TBC1D22B: variants seen among roughly 807,000 people sequenced by gnomAD.
TBC1D22B encodes chromosome 6 open reading frame 197.
In TBC1D22B, 32 loss-of-function variants were observed where a neutral mutation model predicts 69.1. That is an observed-to-expected ratio of 0.46 (90% confidence interval 0.35 to 0.62). TBC1D22B has a LOEUF of 0.62. Ranked by LOEUF, TBC1D22B falls within the 20% of genes least tolerant of loss-of-function variation. The pLI is 0.00. For missense variants in TBC1D22B, 462 were observed against 630.9 expected, an observed-to-expected ratio of 0.73 and a Z score of 2.87; for synonymous variants, 206 against 229.8, an observed-to-expected ratio of 0.90 and a Z score of 0.94.
chr6:37,269,034 A>G (rs1293868063), intron 1 of TBC1D22B, among the ~76,000 whole-genome samples: 3 of 152,188 alleles, frequency 2.0e-5, no homozygotes, highest in Admixed American at 6.5e-5. Context: ...ACATATATGT[A>G]TATATTTATC....
At chr6:37,280,477 C>T (rs973517294) in intron 3 of TBC1D22B, among the ~76,000 whole-genome samples, 4 of 152,194 alleles carry the variant, frequency 2.6e-5, no homozygotes, top group African/African-American at 9.7e-5. Flanking sequence ...AGTTATTTTC[C>T]ATCACTGATT....
chr6:37,318,889 GA>G (rs1562066797), intron 12 of TBC1D22B, among the ~76,000 whole-genome samples: 1 of 152,176 alleles, frequency 6.6e-6, no homozygotes, highest in Non-Finnish European at 1.5e-5. Flanking sequence ...TTTCTGAACT[GA>G]GAGGTTTTTT....
intron 12 of TBC1D22B, among the ~76,000 whole-genome samples, chr6:37,320,125 A>G (rs1038399550): frequency 1.8e-4 from 28 of 152,252 alleles, no homozygotes; most frequent in African/African-American, 6.5e-4. Context: ...CAAACTGGTT[A>G]CACTTGAAGA....
intron 8 of TBC1D22B, among the ~76,000 whole-genome samples, chr6:37,298,547 T>G (rs1767461657): frequency 1.4e-5 from 2 of 139,982 alleles, no homozygotes; most frequent in East Asian, 2.0e-4. Context: ...CAGTTTTTTT[T>G]TTTTTTTTTT....
intron 1 of TBC1D22B, among the ~76,000 whole-genome samples, chr6:37,262,228 C>T (rs886877950): frequency 6.6e-6 from 1 of 151,920 alleles, no homozygotes; most frequent in Non-Finnish European, 1.5e-5. Context: ...AAGGGGGTTT[C>T]GCCATGTTGG....
At position 37,283,254 on chromosome 6, in the gene TBC1D22B, C is replaced by T. The variant is rs187794992; in HGVS notation, c.672+302C>T. Among the ~76,000 whole-genome samples, 63 of 152,332 alleles carry T rather than the reference C, an allele frequency of 4.1e-4. No individual in the cohort carries two copies. In the Middle Eastern group the frequency reaches 0.014, roughly 33 times the overall value. ...AGCACTTGCTTTGAGTAAGCTCCAACGTTCCCTGTGCTTCACTCCTGTTTC... is the reference window on the plus strand; with the variant it reads ...AGCACTTGCTTTGAGTAAGCTCCAATGTTCCCTGTGCTTCACTCCTGTTTC... On this transcript the variant is annotated intron_variant, in intron 5 of 12. Transcript: ENST00000373491.
intron 12 of TBC1D22B, among the ~76,000 whole-genome samples, chr6:37,326,028 T>G (rs1768392136): frequency 6.6e-6 from 1 of 152,122 alleles, no homozygotes; most frequent in African/African-American, 2.4e-5. Context: ...TTGGAAGCTT[T>G]TGAGAGGTTT....
chr6:37,308,570 A>G (rs1049224659), intron 8 of TBC1D22B, among the ~76,000 whole-genome samples: 4 of 152,170 alleles, frequency 2.6e-5, no homozygotes, highest in African/African-American at 9.6e-5. Flanking sequence ...CAGTGCCCCA[A>G]AATAGGGTTC....
intron 3 of TBC1D22B, among the ~76,000 whole-genome samples, chr6:37,280,178 C>T (rs1003296760): frequency 2.0e-5 from 3 of 152,146 alleles, no homozygotes; most frequent in East Asian, 1.9e-4. Flanking sequence ...TGTTTCTTTT[C>T]GGGAAACTGG....
chr6:37,309,063 G>A (rs989726263), intron 8 of TBC1D22B, among the ~76,000 whole-genome samples: 1 of 152,114 alleles, frequency 6.6e-6, no homozygotes, highest in Non-Finnish European at 1.5e-5. Flanking sequence ...TTTATGCCAG[G>A]CACTGTTGTT....
intron 1 of TBC1D22B, among the ~76,000 whole-genome samples, chr6:37,267,426 AATAT>A (rs1480337415): frequency 5.9e-5 from 8 of 134,762 alleles, no homozygotes; most frequent in African/African-American, 2.3e-4. Flanking sequence ...ATACACATAT[AATAT>A]ATATACACAC....
intron 2 of TBC1D22B, among the ~76,000 whole-genome samples, chr6:37,273,165 C>T (rs993196480): frequency 5.2e-5 from 7 of 135,424 alleles, no homozygotes; most frequent in Non-Finnish European, 1.1e-4. Flanking sequence ...CTATAGCAGC[C>T]GACTCGTAAC....
At position 37,331,818 on chromosome 6, in the gene TBC1D22B, AT is replaced by A. The variant is rs2113798724; in HGVS notation, c.*649del. The A allele has an allele frequency of 6.5e-6, 1 of 152,714 alleles. No homozygotes were observed. The highest frequency in any genetic ancestry group is 2.4e-5 in the African/African-American group (1 of 41,560). The allele number at this position is 152,714 out of a possible 1,614,324, so 9.5% of individuals were successfully genotyped here. A position where few individuals can be genotyped will look rare whatever the true frequency, so the allele number is the denominator to read the frequency against. ...TGAATGTGTATACATGCCCATCAGC[AT>A]TTAGTCACATGTCTGAATTTCTGTG... is the stretch of plus-strand genomic sequence containing the variant. On this transcript the variant is annotated 3_prime_UTR_variant, in exon 13 of 13. Transcript: ENST00000373491.
At chr6:37,302,427 T>C (rs1767596642) in intron 8 of TBC1D22B, among the ~76,000 whole-genome samples, 1 of 152,234 alleles carries the variant, frequency 6.6e-6, no homozygotes. Flanking sequence ...AGCTCTGAAC[T>C]ACTGAGGTCC....
chr6:37,292,008 T>A (rs1767201035), intron 8 of TBC1D22B, among the ~76,000 whole-genome samples: 1 of 152,216 alleles, frequency 6.6e-6, no homozygotes, highest in Non-Finnish European at 1.5e-5. Context: ...TCTGTTTTGG[T>A]TTCCTTAATC....
intron 12 of TBC1D22B, among the ~76,000 whole-genome samples, chr6:37,326,465 A>G (rs1255360378): frequency 2.0e-5 from 3 of 151,198 alleles, no homozygotes; most frequent in Non-Finnish European, 4.4e-5. Flanking sequence ...AGTGTATGTA[A>G]CCATCATAGA....
intron 3 of TBC1D22B, among the ~76,000 whole-genome samples, chr6:37,280,482 C>G (rs1766790049): frequency 6.6e-6 from 1 of 152,214 alleles, no homozygotes; most frequent in African/African-American, 2.4e-5. Context: ...TTTTCCATCA[C>G]TGATTTGGGC....
At chr6:37,324,264 C>A (rs1406026779) in intron 12 of TBC1D22B, 2 of 456,388 alleles carry the variant, frequency 4.4e-6, no homozygotes, top group African/African-American at 4.0e-5. Context: ...TGTGCCAGCC[C>A]TTATTGCAGA....
chr6:37,323,605 G>A (rs533049677), intron 12 of TBC1D22B, among the ~76,000 whole-genome samples: 1 of 152,192 alleles, frequency 6.6e-6, no homozygotes, highest in African/African-American at 2.4e-5. Context: ...ACAGGTCAGG[G>A]TTATTAAATA....
Sources: allele counts gnomAD v4.1 joint callset (sites outside exome capture counted in the v4.1 genomes callset), GRCh38; gene constraint gnomAD v4.1.1; transcripts MANE v1.5; gene names NCBI Gene and HGNC (gene_info 2026-07-23, HGNC 2026-07-21).